PAPPA2: variants seen among roughly 807,000 people sequenced by gnomAD.
The protein encoded by PAPPA2 is pappalysin 2.
A neutral mutation model predicts 176.4 loss-of-function variants in PAPPA2; 86 were observed. The observed-to-expected ratio is 0.49, with a 90% CI of 0.41 to 0.58. PAPPA2 has a LOEUF of 0.58. PAPPA2 is among the 20% of genes least tolerant of loss of function. PAPPA2 has a pLI of 0.00. For synonymous variants in PAPPA2, 809 were observed against 852.2 expected, an observed-to-expected ratio of 0.95 and a Z score of 0.88; for missense variants, 2,073 against 2,256.9, an observed-to-expected ratio of 0.92 and a Z score of 1.65.
intron 1 of PAPPA2, among the ~76,000 whole-genome samples, chr1:176,508,713 A>G (rs569381814): frequency 6.6e-6 from 1 of 152,222 alleles, no homozygotes; most frequent in East Asian, 1.9e-4. Context: ...AAATGATTGA[A>G]TCATGGGGGT....
chr1:176,755,946 A>G (rs566819639), intron 14 of PAPPA2, among the ~76,000 whole-genome samples: 60 of 152,298 alleles, frequency 3.9e-4, no homozygotes, highest in African/African-American at 1.4e-3. Context: ...TGAGGAAGAC[A>G]AAATATATTT....
chr1:176,735,243 A>G (rs146272212), intron 12 of PAPPA2, among the ~76,000 whole-genome samples: 1 of 152,256 alleles, frequency 6.6e-6, no homozygotes. Context: ...AGTGCTATAC[A>G]AAAAGAAGGT....
chr1:176,623,747 T>TTTCCTTCC (rs1208804063), intron 3 of PAPPA2, among the ~76,000 whole-genome samples: 1,136 of 84,416 alleles, frequency 0.013, 101 homozygotes, highest in South Asian at 0.02. Flanking sequence ...TTTCTCTCTC[T>TTTCCTTCC]TTCCTTCCTT....
chr1:176,499,558 T>C (rs1647833049), intron 1 of PAPPA2, among the ~76,000 whole-genome samples: 1 of 152,196 alleles, frequency 6.6e-6, no homozygotes, highest in Non-Finnish European at 1.5e-5. Flanking sequence ...TCTCTACTTC[T>C]GTGGAGTGTA....
intron 14 of PAPPA2, among the ~76,000 whole-genome samples, chr1:176,759,901 A>G (rs1430236163): frequency 6.6e-6 from 1 of 152,148 alleles, no homozygotes; most frequent in East Asian, 1.9e-4. Flanking sequence ...GTCTGAACCT[A>G]CCCCTAAGTC....
At chr1:176,828,699 A>G (rs1466081778) in intron 21 of PAPPA2, among the ~76,000 whole-genome samples, 3 of 152,088 alleles carry the variant, frequency 2.0e-5, no homozygotes, top group Non-Finnish European at 4.4e-5. Flanking sequence ...GAGAGAAAAC[A>G]AGTGCTATGA....
intron 1 of PAPPA2, among the ~76,000 whole-genome samples, chr1:176,521,599 G>T (rs1339004293): frequency 6.6e-6 from 1 of 152,178 alleles, no homozygotes; most frequent in African/African-American, 2.4e-5. Context: ...TATAATAACA[G>T]ATAATCAAAA....
intron 1 of PAPPA2, among the ~76,000 whole-genome samples, chr1:176,511,876 T>C (rs1648616719): frequency 6.6e-6 from 1 of 152,118 alleles, no homozygotes. Flanking sequence ...AAACTTACAC[T>C]ATTGGGTTCT....
At chr1:176,507,957 AAAG>A (rs1648379994) in intron 1 of PAPPA2, among the ~76,000 whole-genome samples, 1 of 152,154 alleles carries the variant, frequency 6.6e-6, no homozygotes, top group African/African-American at 2.4e-5. Flanking sequence ...CCAGAATAAA[AAAG>A]TAAAAATCGG....
chr1:176,823,675 A>T (rs1666750324), intron 21 of PAPPA2, among the ~76,000 whole-genome samples: 1 of 152,182 alleles, frequency 6.6e-6, no homozygotes, highest in Non-Finnish European at 1.5e-5. Flanking sequence ...CAGAGGAGGA[A>T]TACAAAGTGA....
intron 3 of PAPPA2, among the ~76,000 whole-genome samples, chr1:176,666,280 G>T (rs565352246): frequency 4.3e-4 from 65 of 152,150 alleles, no homozygotes; most frequent in African/African-American, 1.2e-3. Flanking sequence ...ATAAGAGAAT[G>T]ATTTTTTAAA....
intron 3 of PAPPA2, among the ~76,000 whole-genome samples, chr1:176,623,961 C>T (rs951427369): frequency 6.6e-6 from 1 of 151,744 alleles, no homozygotes; most frequent in South Asian, 2.1e-4. Context: ...CTACTTCAGC[C>T]CCCCAAGTAG....
At chr1:176,599,660 A>G (rs1654198313) in intron 3 of PAPPA2, among the ~76,000 whole-genome samples, 1 of 151,972 alleles carries the variant, frequency 6.6e-6, no homozygotes, top group East Asian at 1.9e-4. Context: ...TTTCAAAGAT[A>G]AAAATGTGAT....
At chr1:176,714,284 C>A (rs1661272767) in intron 12 of PAPPA2, among the ~76,000 whole-genome samples, 1 of 152,114 alleles carries the variant, frequency 6.6e-6, no homozygotes, top group Admixed American at 6.5e-5. Context: ...TCACTATGCT[C>A]CAAACCCCTA....
chr1:176,720,851 A>G (rs555479894), intron 12 of PAPPA2, among the ~76,000 whole-genome samples: 3 of 152,206 alleles, frequency 2.0e-5, no homozygotes, highest in Non-Finnish European at 2.9e-5. Context: ...GGAGCCCCCA[A>G]GAAGCTGCTG....
rs187280914 is a variant in PAPPA2, at chr1:176,764,812, A to G, written c.4152-854A>G. Among the ~76,000 whole-genome samples the G allele has an allele frequency of 9.3e-4, 142 of 152,196 alleles. 2 individuals carry two copies. The East Asian group carries it at 0.017, about 18-fold the overall frequency. On this transcript the variant is annotated intron_variant, in intron 14 of 22. Transcript: ENST00000367662. ...GGGGTTTCACCGTGTTAGCCAGGAC[A>G]GTCTCTATCTCCTGACCTCGTGATC...
intron 2 of PAPPA2, among the ~76,000 whole-genome samples, chr1:176,584,028 C>A (rs568285724): frequency 6.6e-6 from 1 of 152,308 alleles, no homozygotes; most frequent in East Asian, 1.9e-4. Flanking sequence ...AGAGACAGAG[C>A]AAAACCCTGT....
chr1:176,820,629 C>T (rs1666624374), intron 21 of PAPPA2, among the ~76,000 whole-genome samples: 2 of 152,152 alleles, frequency 1.3e-5, no homozygotes, highest in South Asian at 4.1e-4. Context: ...CTGCTAAACT[C>T]CTGGCAACAG....
At chr1:176,719,635 CT>C (rs1416638820) in intron 12 of PAPPA2, among the ~76,000 whole-genome samples, 2 of 152,146 alleles carry the variant, frequency 1.3e-5, no homozygotes, top group African/African-American at 4.8e-5. Context: ...GATAATTTCA[CT>C]TTCACTGACT....
Sources: gnomAD v4.1 joint callset for allele counts (sites outside exome capture counted in the v4.1 genomes callset) on GRCh38, gnomAD v4.1.1 for gene constraint, MANE v1.5 for transcripts, NCBI Gene and HGNC (gene_info 2026-07-23, HGNC 2026-07-21) for gene names.